Variants in SDK1 observed in about 807,000 individuals in gnomAD.
The protein encoded by SDK1 is protein sidekick-1.
SDK1 carries 157 observed loss-of-function variants against 245.5 expected under a neutral mutation model. That is an observed-to-expected ratio of 0.64 (90% CI 0.56 to 0.73). SDK1 has a LOEUF of 0.73. Ranked by LOEUF, SDK1 falls within the 30% of genes least tolerant of loss-of-function variation. The probability of loss-of-function intolerance (pLI) is 0.00; values close to 1 mark genes in which losing one functional copy is unlikely to be tolerated. For synonymous variants in SDK1, 1,647 were observed against 1,278.5 expected (o/e 1.29, Z -6.15); for missense variants, 3,583 against 3,002.3 (o/e 1.19, Z -4.52).
chr7:4,236,388 C>G (rs1256287705), intron 41 of SDK1, among the ~76,000 whole-genome samples: 1 of 152,016 alleles, frequency 6.6e-6, no homozygotes, highest in Non-Finnish European at 1.5e-5. Context: ...TCCTTCAAAG[C>G]CGCCTTTACA....
At chr7:4,009,056 C>G (rs1303975684) in intron 14 of SDK1, among the ~76,000 whole-genome samples, 1 of 152,172 alleles carries the variant, frequency 6.6e-6, no homozygotes, top group African/African-American at 2.4e-5. Flanking sequence ...TTCCCAACAC[C>G]TGTTATTTTC....
chr7:3,768,174 C>T (rs962058488), intron 4 of SDK1, among the ~76,000 whole-genome samples: 1 of 152,196 alleles, frequency 6.6e-6, no homozygotes, highest in African/African-American at 2.4e-5. Context: ...TTTCTAATTG[C>T]ATTTACTATT....
chr7:3,735,120 T>C (rs966273425), intron 4 of SDK1, among the ~76,000 whole-genome samples: 2 of 152,156 alleles, frequency 1.3e-5, no homozygotes, highest in Admixed American at 1.3e-4. Flanking sequence ...TAATTGCTTT[T>C]ACTACATAGC....
intron 4 of SDK1, among the ~76,000 whole-genome samples, chr7:3,690,421 T>C (rs1468241256): frequency 6.6e-6 from 1 of 152,210 alleles, no homozygotes; most frequent in Non-Finnish European, 1.5e-5. Flanking sequence ...TGTTCAGTGA[T>C]AGTGGCAGGG....
intron 44 of SDK1, among the ~76,000 whole-genome samples, chr7:4,250,689 A>G (rs975611777): frequency 6.6e-6 from 1 of 152,138 alleles, no homozygotes; most frequent in African/African-American, 2.4e-5. Flanking sequence ...ACACAGGCCA[A>G]ATGTCACAAG....
At chr7:3,401,734 T>C (rs1326325673) in intron 1 of SDK1, among the ~76,000 whole-genome samples, 1 of 152,156 alleles carries the variant, frequency 6.6e-6, no homozygotes. Flanking sequence ...TGTGTAATAA[T>C]TTTGTATCTA....
chr7:3,575,164 G>A (rs1780244950), intron 1 of SDK1, among the ~76,000 whole-genome samples: 1 of 152,054 alleles, frequency 6.6e-6, no homozygotes, highest in East Asian at 1.9e-4. Flanking sequence ...AGTTCAAAGT[G>A]CCACCAGCTG....
chr7:3,802,204 A>C (rs1460997382), intron 4 of SDK1, among the ~76,000 whole-genome samples: 1 of 152,212 alleles, frequency 6.6e-6, no homozygotes, highest in Middle Eastern at 3.4e-3. Context: ...ATTTTACTAC[A>C]TGTGCAGATG....
chr7:3,504,471 G>A (rs2090940), intron 1 of SDK1, among the ~76,000 whole-genome samples: 108,604 of 151,900 alleles, frequency 0.71, 40,238 homozygotes, highest in African/African-American at 0.92. Flanking sequence ...AGACATATAT[G>A]TTGGTGGAAT....
chr7:3,519,754 A>T (rs141158348), intron 1 of SDK1, among the ~76,000 whole-genome samples: 1 of 152,318 alleles, frequency 6.6e-6, no homozygotes, highest in East Asian at 1.9e-4. Context: ...TTATCATTAA[A>T]TAAGAGGAGA....
chr7:3,636,068 A>G (rs998097077), intron 2 of SDK1, among the ~76,000 whole-genome samples: 1 of 152,198 alleles, frequency 6.6e-6, no homozygotes, highest in Non-Finnish European at 1.5e-5. Flanking sequence ...AATACGATCA[A>G]CATAGAAAAA....
chr7:3,635,842 A>G (rs115759255), intron 2 of SDK1, among the ~76,000 whole-genome samples: 4,677 of 152,178 alleles, frequency 0.031, 215 homozygotes, highest in African/African-American at 0.1. Context: ...AGTGGCTGGG[A>G]TTACAGGCTC....
intron 1 of SDK1, among the ~76,000 whole-genome samples, chr7:3,557,414 C>G (rs1779621625): frequency 6.6e-6 from 1 of 152,106 alleles, no homozygotes; most frequent in South Asian, 2.1e-4. Context: ...AGTCCTGTAA[C>G]CATTAGGGAA....
intron 4 of SDK1, among the ~76,000 whole-genome samples, chr7:3,725,972 T>C (rs146665853): frequency 5.0e-4 from 76 of 152,336 alleles, no homozygotes; most frequent in African/African-American, 1.6e-3. Flanking sequence ...CAGGAGCCAA[T>C]ATCTCAGTGC....
intron 13 of SDK1, among the ~76,000 whole-genome samples, chr7:3,984,810 G>T (rs1783697377): frequency 6.6e-6 from 1 of 152,174 alleles, no homozygotes; most frequent in Non-Finnish European, 1.5e-5. Context: ...GGCTTCCAAT[G>T]AGCTGCCCTT....
At chr7:3,847,782 C>T (rs1258784186) in intron 5 of SDK1, among the ~76,000 whole-genome samples, 2 of 152,216 alleles carry the variant, frequency 1.3e-5, no homozygotes, top group East Asian at 3.8e-4. Context: ...AAAACCATGA[C>T]ATCATTCTTC....
chr7:4,199,228 C>T (rs1301547222), intron 35 of SDK1, among the ~76,000 whole-genome samples: 1 of 152,160 alleles, frequency 6.6e-6, no homozygotes, highest in Non-Finnish European at 1.5e-5. Context: ...CATGGAGGAA[C>T]ACCACCGCTT....
intron 35 of SDK1, among the ~76,000 whole-genome samples, chr7:4,182,909 C>A (rs1286068678): frequency 6.6e-6 from 1 of 152,230 alleles, no homozygotes; most frequent in African/African-American, 2.4e-5. Context: ...CAGACAAAAC[C>A]AGTTCACTGA....
At chr7:3,626,863 T>C (rs1398713166) in intron 2 of SDK1, among the ~76,000 whole-genome samples, 1 of 151,976 alleles carries the variant, frequency 6.6e-6, no homozygotes, top group Admixed American at 6.6e-5. Context: ...GAGCCTAAAG[T>C]TGGGAAAAAA....
Sources: allele counts gnomAD v4.1 joint callset (sites outside exome capture counted in the v4.1 genomes callset), GRCh38; gene constraint gnomAD v4.1.1; transcripts MANE v1.5; gene names NCBI Gene and HGNC (gene_info 2026-07-23, HGNC 2026-07-21).